The following EIF4B variants were observed in gnomAD, a reference collection of about 807,000 sequenced individuals.
The protein encoded by EIF4B is eukaryotic translation initiation factor 4B.
Under a neutral mutation model 79.3 loss-of-function variants are expected in EIF4B, and 8 were observed. That is an observed-to-expected ratio of 0.10 (90% CI 0.06 to 0.18). EIF4B has a LOEUF of 0.18. EIF4B is among the 10% of genes least tolerant of loss of function. The pLI, the probability that EIF4B is intolerant of heterozygous loss-of-function variation, is 1.00. For missense variants in EIF4B, 515 were observed against 792.4 expected (o/e 0.65, Z 4.20); for synonymous variants, 238 against 274.7 (o/e 0.87, Z 1.32).
chr12:53,015,756 C>A (rs980446532), intron 1 of EIF4B, among the ~76,000 whole-genome samples: 1 of 151,110 alleles, frequency 6.6e-6, no homozygotes, highest in Non-Finnish European at 1.5e-5. Context: ...GCAGGAGGAT[C>A]ACCTGAGGTT....
At chr12:53,009,568 CA>C (rs1943027965) in intron 1 of EIF4B, among the ~76,000 whole-genome samples, 1 of 151,992 alleles carries the variant, frequency 6.6e-6, no homozygotes, top group South Asian at 2.1e-4. Flanking sequence ...CTTTCATTTC[CA>C]TAATGCTTCA....
In EIF4B at chr12:53,016,534, G is replaced by C; in HGVS notation, c.75G>C (p.Gly25=). The change falls in exon 2 of 15, where the codon GGG becomes GGC. Residue 25 remains glycine, a synonymous_variant. Transcript: ENST00000262056. ...ISLTDFLAED[G]GTGGGSTYVS... is the part of the protein sequence containing the mutation. ...TAACAGACTTTCTGGCTGAGGATGGGGGTACTGGTGGAGGAAGCACCTATG... is the reference window on the plus strand; with the variant it reads ...TAACAGACTTTCTGGCTGAGGATGGCGGTACTGGTGGAGGAAGCACCTATG... 1 of 1,613,552 alleles carries C rather than the reference G, an allele frequency of 6.2e-7. No individual in the cohort carries two copies. Among genetic ancestry groups the C allele is most frequent in the Non-Finnish European group, 8.5e-7 (1 of 1,179,890 alleles).
Position 53,041,157 on chromosome 12 carries a change from A to C in EIF4B, c.*934A>C, listed in dbSNP as rs1244179113. 1 of 152,196 alleles carries C rather than the reference A, an allele frequency of 6.6e-6. No homozygotes were observed. The highest frequency in any genetic ancestry group is 2.4e-5 in the African/African-American group (1 of 41,442). The allele number at this position is 152,196 out of a possible 1,614,324, so 9.4% of individuals were successfully genotyped here. ...ATCTTAAGTTCTTCATGCTACTCTT[A>C]ACCTCCCAAAAAGCAGTATCTAAGT... On this transcript the variant is annotated 3_prime_UTR_variant, in exon 15 of 15. Transcript: ENST00000262056.
intron 6 of EIF4B, among the ~76,000 whole-genome samples, chr12:53,026,440 A>G (rs954804242): frequency 2.0e-5 from 3 of 152,168 alleles, no homozygotes; most frequent in Non-Finnish European, 4.4e-5. Context: ...AACATAAACA[A>G]CATTGCAATG....
intron 1 of EIF4B, among the ~76,000 whole-genome samples, chr12:53,015,556 C>T (rs1487065994): frequency 6.6e-6 from 1 of 151,766 alleles, no homozygotes; most frequent in African/African-American, 2.4e-5. Flanking sequence ...GGTAGTGTGC[C>T]TCTGTGGTCC....
chr12:53,037,768 C>A, intron 11 of EIF4B, 146 bp downstream of exon 11: 3 of 839,740 alleles, frequency 3.6e-6, no homozygotes, highest in African/African-American at 1.7e-5. Context: ...CTGGAACTGG[C>A]TCATAAGACC....
chr12:53,022,446 A>C (rs1592219732), intron 5 of EIF4B, 47 bp from the exon 6 acceptor site: 2 of 1,602,930 alleles, frequency 1.2e-6, no homozygotes, highest in Non-Finnish European at 8.5e-7. Context: ...ATATTGGGCA[A>C]AGTTTTTATG....
At chr12:53,019,050 T>A in intron 3 of EIF4B, 44 bp downstream of exon 3, 1 of 1,592,114 alleles carries the variant, frequency 6.3e-7, no homozygotes, top group African/African-American at 1.3e-5. Flanking sequence ...TTGAGGATAA[T>A]GTCTAAAAAA....
intron 8 of EIF4B, among the ~76,000 whole-genome samples, chr12:53,029,291 G>A (rs186734387): frequency 3.0e-4 from 46 of 151,834 alleles, no homozygotes; most frequent in African/African-American, 1.1e-3. Flanking sequence ...CTAATAAATG[G>A]CCACCATTTG....
intron 12 of EIF4B, 188 bp from the exon 13 acceptor site, chr12:53,039,050 T>G (rs1943586138): frequency 2.0e-6 from 1 of 491,908 alleles, no homozygotes; most frequent in Middle Eastern, 5.4e-4. Flanking sequence ...ATTTTGTTTG[T>G]TTTTTGTATT....
chr12:53,019,153 C>G, intron 3 of EIF4B, 147 bp downstream of exon 3: 10 of 991,790 alleles, frequency 1.0e-5, no homozygotes, highest in Non-Finnish European at 1.3e-5. Flanking sequence ...AATCCCAGCA[C>G]TCTGGGAGTC....
Position 53,018,842 on chromosome 12 carries a change from C to A in EIF4B, c.196C>A (p.Pro66Thr). 1 of 1,613,464 alleles carries A rather than the reference C, an allele frequency of 6.2e-7. No homozygotes were observed. Among genetic ancestry groups the A allele is most frequent in the Non-Finnish European group, 8.5e-7 (1 of 1,179,860 alleles). Residue 66 changes from proline to threonine, a missense_variant, in exon 3 of 15, where the codon CCT (proline) becomes ACT (threonine). Physicochemically the swap from Pro to Thr is conservative, Grantham distance 38. Transcript: ENST00000262056. The stretch of plus-strand genomic sequence containing the variant: ...TAACGATGACGATGTGTATAGGGCG[C>A]CTCCAATTGACCGTTCCATCCTTCC... ...HSNDDDVYRA[P>T]PIDRSILPTA...
chr12:53,028,986 CG>C (rs1291452777), intron 8 of EIF4B, among the ~76,000 whole-genome samples: 1 of 151,854 alleles, frequency 6.6e-6, no homozygotes, highest in African/African-American at 2.4e-5. Flanking sequence ...ATTAGGTGGC[CG>C]TAGTGGCACA....
chr12:53,021,188 A>G (rs1943242390), intron 4 of EIF4B, among the ~76,000 whole-genome samples: 1 of 152,250 alleles, frequency 6.6e-6, no homozygotes, highest in Non-Finnish European at 1.5e-5. Flanking sequence ...CTCTGGAAGA[A>G]CTGATTTATC....
intron 4 of EIF4B, 30 bp downstream of exon 4, chr12:53,020,056 G>A: frequency 6.5e-7 from 1 of 1,540,088 alleles, no homozygotes; most frequent in South Asian, 1.2e-5. Flanking sequence ...GGATATGAGG[G>A]GTGTAAGTTC....
chr12:53,039,206 C>A, intron 12 of EIF4B, 32 bp from the exon 13 acceptor site: 1 of 1,469,512 alleles, frequency 6.8e-7, no homozygotes, highest in Non-Finnish European at 9.4e-7. Context: ...CTTTTACTTG[C>A]CTTTAATTTG....
chr12:53,021,788 A>G lies in EIF4B; in HGVS notation c.478-18A>G. 2 of 1,614,204 alleles carry G rather than the reference A, an allele frequency of 1.2e-6. No homozygotes were observed. The highest frequency in any genetic ancestry group is 1.7e-6 in the Non-Finnish European group (2 of 1,180,022). On this transcript the variant is annotated intron_variant, in intron 4 of 14. Coordinates refer to ENST00000262056, the MANE Select transcript of EIF4B (RefSeq NM_001417.7). ...ATAATGGGGCAAAAGGTTGGTTAAT[A>G]TGGTCCTATGCTCTCAGTCTCTAGG...
intron 5 of EIF4B, 147 bp from the exon 6 acceptor site, chr12:53,022,346 C>G (rs1943259516): frequency 8.8e-7 from 1 of 1,138,800 alleles, no homozygotes; most frequent in African/African-American, 1.5e-5. Flanking sequence ...TGAATTGGAG[C>G]ATGTACTTAT....
chr12:53,034,013 T>G lies in EIF4B; in HGVS notation c.1187T>G (p.Leu396Arg). The G allele has an allele frequency of 6.2e-7, 1 of 1,612,828 alleles. No individual in the cohort carries two copies. The highest frequency in any genetic ancestry group is 8.5e-7 in the Non-Finnish European group (1 of 1,179,362). The part of the protein sequence containing the change: ...KLQRQLDEPK[L>R]ERRPRERHPS... ...CAGCGTCAGCTGGATGAGCCAAAAC[T>G]AGAACGACGGCCTCGGGAGAGGTGT... Residue 396 changes from leucine to arginine, a missense_variant, in exon 9 of 15, where the codon CTA becomes CGA. By Grantham distance (102) the Leu-to-Arg change is moderately radical. This residue lies in a region of EIF4B where 146 missense variants were observed against 228.0 expected (regional missense o/e 0.64). Coordinates refer to ENST00000262056, the MANE Select transcript of EIF4B (RefSeq NM_001417.7).
Sources: gnomAD v4.1 joint callset for allele counts (sites outside exome capture counted in the v4.1 genomes callset) on GRCh38, gnomAD v4.1.1 for gene constraint, gnomAD v4.1.1 regional missense constraint, MANE v1.5 for transcripts, NCBI Gene and HGNC (gene_info 2026-07-23, HGNC 2026-07-21) for gene names.